The following LDAH variants were observed in gnomAD, a reference collection of about 807,000 sequenced individuals.
The protein encoded by LDAH is lipid droplet associated hydrolase.
Under a neutral mutation model 29.6 loss-of-function variants are expected in LDAH, and 26 were observed. The observed-to-expected ratio is 0.88, with a 90% CI of 0.64 to 1.22. The LOEUF (loss-of-function observed/expected upper bound fraction) is 1.22, where lower values mean the gene tolerates loss of function less well. Ranked by LOEUF, LDAH falls within the 50% of genes most tolerant of loss-of-function variation. LDAH has a pLI of 0.00. For missense variants in LDAH, 344 were observed against 387.3 expected (o/e 0.89, Z 0.94); for synonymous variants, 117 against 133.0 (o/e 0.88, Z 0.83).
chr2:20,772,993 T>C (rs1290258198), intron 4 of LDAH, among the ~76,000 whole-genome samples: 1 of 152,248 alleles, frequency 6.6e-6, no homozygotes, highest in Non-Finnish European at 1.5e-5. Flanking sequence ...GCCAGACTTC[T>C]GACCAGAAAC....
intron 6 of LDAH, among the ~76,000 whole-genome samples, chr2:20,696,762 C>A (rs1663519386): frequency 6.6e-6 from 1 of 152,186 alleles, no homozygotes; most frequent in Non-Finnish European, 1.5e-5. Flanking sequence ...CCAGGTGCCT[C>A]ATGAAACAGA....
intron 5 of LDAH, among the ~76,000 whole-genome samples, 185 bp downstream of exon 5, chr2:20,739,786 T>G (rs1299395733): frequency 6.6e-6 from 1 of 152,234 alleles, no homozygotes; most frequent in Non-Finnish European, 1.5e-5. Flanking sequence ...ATGAGGCTTT[T>G]CTAATTTCTT....
chr2:20,784,953 G>C (rs1402148927), intron 3 of LDAH, among the ~76,000 whole-genome samples: 2 of 151,994 alleles, frequency 1.3e-5, no homozygotes, highest in Admixed American at 1.3e-4. Context: ...TTCACCGTTA[G>C]TCCAGGTATG....
rs370091052 is a variant in LDAH at position 20,734,028 on chromosome 2, A to T, written c.703+5943T>A. ...GTTTCAATGATATCAACATGTTGAT[A>T]TCAATTCTGTTTTGGGTGAAGTGTT... On this transcript the variant is annotated intron_variant, in intron 5 of 6. Coordinates refer to ENST00000237822, the MANE Select transcript of LDAH (RefSeq NM_021925.4). Among the ~76,000 whole-genome samples, 78 of 152,294 alleles carry T rather than the reference A, an allele frequency of 5.1e-4. 1 individual carries two copies. In the South Asian group the frequency reaches 0.016, roughly 31 times the overall value.
chr2:20,812,925 T>C (rs1002540034), intron 1 of LDAH, among the ~76,000 whole-genome samples: 1 of 152,190 alleles, frequency 6.6e-6, no homozygotes, highest in African/African-American at 2.4e-5. Flanking sequence ...TGGGTACTAT[T>C]ATTTCATCCT....
rs542368015 is a variant in LDAH, at chr2:20,797,973, G to T, written c.154+3337C>A. Among the ~76,000 whole-genome samples the T allele has an allele frequency of 1.3e-5, 2 of 152,174 alleles. 1 individual carries two copies. Among genetic ancestry groups the T allele is most frequent in the South Asian group, 4.2e-4 (2 of 4,812 alleles). On this transcript the variant is annotated intron_variant, in intron 2 of 6. Coordinates refer to ENST00000237822, the MANE Select transcript of LDAH (RefSeq NM_021925.4). Reference sequence around the variant, plus strand: ...TTCAGAATCTCAGAACAAAGAAAAGGTCTCGAAAATGTGGGTAGAGAATCT... The same window carrying T: ...TTCAGAATCTCAGAACAAAGAAAAGTTCTCGAAAATGTGGGTAGAGAATCT...
intron 4 of LDAH, among the ~76,000 whole-genome samples, chr2:20,767,763 G>A (rs895366656): frequency 1.6e-4 from 24 of 152,198 alleles, no homozygotes; most frequent in African/African-American, 5.5e-4. Flanking sequence ...GGACCAATCA[G>A]TGGGCACTTC....
At chr2:20,759,893 C>T (rs1243085837) in intron 4 of LDAH, among the ~76,000 whole-genome samples, 1 of 152,202 alleles carries the variant, frequency 6.6e-6, no homozygotes, top group Non-Finnish European at 1.5e-5. Flanking sequence ...ATGGGCCACT[C>T]TCTCATACCA....
downstream of LDAH, among the ~76,000 whole-genome samples, chr2:20,683,678 G>T (rs539387865): frequency 2.0e-5 from 3 of 152,190 alleles, no homozygotes; most frequent in Non-Finnish European, 4.4e-5. Flanking sequence ...TACAAGCCTG[G>T]TGAAACAGTG....
chr2:20,816,882 GA>G (rs1020904328), intron 1 of LDAH, among the ~76,000 whole-genome samples: 1 of 151,502 alleles, frequency 6.6e-6, no homozygotes, highest in Non-Finnish European at 1.5e-5. Flanking sequence ...GATCATTGTG[GA>G]AAAAAACTAG....
intron 2 of LDAH, 156 bp downstream of exon 2, chr2:20,801,154 G>A (rs1382442491): frequency 2.9e-6 from 2 of 682,534 alleles, no homozygotes; most frequent in Non-Finnish European, 4.7e-6. Context: ...ACAAAATCCA[G>A]ACGTCAAAAT....
In LDAH at chr2:20,716,720, G is replaced by GTA. The variant is rs1362301507; in HGVS notation, c.704-15070_704-15069dup. 2.8e-3 allele frequency among the ~76,000 whole-genome samples: 368 copies of GTA among 131,340 alleles called. 18 individuals carry two copies. Among genetic ancestry groups the GTA allele is most frequent in the African/African-American group, 7.3e-3 (275 of 37,734 alleles). The allele number at this position is 131,340 out of a possible 152,430, so 86.2% of individuals were successfully genotyped here. On this transcript the variant is annotated intron_variant, in intron 5 of 6. Coordinates refer to ENST00000237822, the MANE Select transcript of LDAH (RefSeq NM_021925.4). The stretch of plus-strand genomic sequence containing the variant: ...GTGTAGATGTACCCTAGAACTTTAA[G>GTA]TATATATACATATATATATATATAT...
chr2:20,789,281 C>G, intron 3 of LDAH: 1 of 1,550,288 alleles, frequency 6.5e-7, no homozygotes, highest in Non-Finnish European at 8.7e-7. Context: ...GTAGAGCCCG[C>G]GAGAGTCCCA....
chr2:20,695,911 G>A (rs1196195090), intron 6 of LDAH, among the ~76,000 whole-genome samples: 1 of 152,208 alleles, frequency 6.6e-6, no homozygotes, highest in Non-Finnish European at 1.5e-5. Flanking sequence ...TGGATTTGGT[G>A]TTTGAAGCTT....
At chr2:20,740,917 T>G (rs1667126840) in intron 4 of LDAH, among the ~76,000 whole-genome samples, 1 of 152,210 alleles carries the variant, frequency 6.6e-6, no homozygotes, top group South Asian at 2.1e-4. Flanking sequence ...ATCCTGCTGT[T>G]TCTATATCCT....
intron 1 of LDAH, 101 bp from the exon 2 acceptor site, chr2:20,801,566 T>A: frequency 1.1e-6 from 1 of 898,950 alleles, no homozygotes; most frequent in Non-Finnish European, 1.7e-6. Context: ...TCAATATACC[T>A]AGAAGGAAAT....
At chr2:20,780,246 A>G (rs1365897030) in intron 3 of LDAH, among the ~76,000 whole-genome samples, 2 of 152,196 alleles carry the variant, frequency 1.3e-5, no homozygotes, top group African/African-American at 4.8e-5. Context: ...GTTTTATAAA[A>G]TAATTTTTAA....
Position 20,808,784 on chromosome 2 carries a change from G to A in LDAH, c.-2-7319C>T, listed in dbSNP as rs1468800318. Among the ~76,000 whole-genome samples, 3 of 152,074 alleles carry A rather than the reference G, an allele frequency of 2.0e-5. No homozygotes were observed. In the East Asian group the frequency reaches 5.8e-4, roughly 29 times the overall value. On this transcript the variant is annotated intron_variant, in intron 1 of 6. Coordinates refer to ENST00000237822, the MANE Select transcript of LDAH (RefSeq NM_021925.4). ...TGAAGACAACATAGACAAAACAGTG[G>A]ACAAGAACAGGGAATCCAGAAACAA...
chr2:20,745,681 T>C (rs933232867), intron 4 of LDAH, among the ~76,000 whole-genome samples: 1 of 152,156 alleles, frequency 6.6e-6, no homozygotes, highest in Admixed American at 6.6e-5. Flanking sequence ...AAATAAGATA[T>C]AATTGAGGCT....
Sources: gnomAD v4.1 joint callset for allele counts (sites outside exome capture counted in the v4.1 genomes callset) on GRCh38, gnomAD v4.1.1 for gene constraint, MANE v1.5 for transcripts, NCBI Gene and HGNC (gene_info 2026-07-23, HGNC 2026-07-21) for gene names.